The following CEPT1 variants were observed in gnomAD, a reference collection of about 807,000 sequenced individuals.
CEPT1 encodes the protein choline/ethanolamine phosphotransferase 1.
CEPT1 carries 7 observed loss-of-function variants against 42.6 expected under a neutral mutation model. The observed-to-expected ratio is 0.16, with a 90% CI of 0.09 to 0.31. CEPT1 has a LOEUF of 0.31. CEPT1 is among the 10% of genes least tolerant of loss of function. The pLI is 1.00. For synonymous variants in CEPT1, 171 were observed against 171.9 expected (o/e 0.99, Z 0.04); for missense variants, 306 against 502.1 (o/e 0.61, Z 3.73).
At position 111,152,275 on chromosome 1, in the gene CEPT1, A is replaced by G. The variant is rs943120057; in HGVS notation, c.339+4222A>G. Among the ~76,000 whole-genome samples the G allele has an allele frequency of 3.9e-5, 6 of 152,194 alleles. No individual in the cohort carries two copies. In the East Asian group the frequency reaches 1.2e-3, roughly 29 times the overall value. On this transcript the variant is annotated intron_variant, in intron 2 of 8. Transcript: ENST00000357172. The stretch of plus-strand genomic sequence containing the variant: ...AAAGTGAAAAGAAAATTAAAACGGC[A>G]CATTGACCATAATTTCACTGCCCAG...
intron 4 of CEPT1, among the ~76,000 whole-genome samples, chr1:111,170,984 A>C (rs1351801017): frequency 1.3e-5 from 2 of 152,224 alleles, no homozygotes; most frequent in African/African-American, 4.8e-5. Flanking sequence ...AATAACTGCA[A>C]GTGTATCTTT....
chr1:111,149,967 C>T (rs1431761888), intron 2 of CEPT1, among the ~76,000 whole-genome samples: 1 of 152,170 alleles, frequency 6.6e-6, no homozygotes, highest in Non-Finnish European at 1.5e-5. Context: ...ATGAATAACC[C>T]AAGAATTAGT....
intron 5 of CEPT1, among the ~76,000 whole-genome samples, chr1:111,175,837 G>C (rs766041972): frequency 6.6e-6 from 1 of 152,050 alleles, no homozygotes; most frequent in Admixed American, 6.5e-5. Context: ...GTTAATTGCC[G>C]ATTTCTACCA....
Position 111,174,935 on chromosome 1 carries a change from T to C in CEPT1, c.686T>C (p.Ile229Thr), listed in dbSNP as rs773516912. 38 of 1,612,150 alleles carry C rather than the reference T, an allele frequency of 2.4e-5. No homozygotes were observed. In the South Asian group the frequency reaches 3.8e-4, roughly 16 times the overall value. Reference sequence around the variant, plus strand: ...ATAATCATGCATTTGCTGGCAGTGATTGGAGGACCACCTTTTTGGCAATCT... The same window carrying C: ...ATAATCATGCATTTGCTGGCAGTGACTGGAGGACCACCTTTTTGGCAATCT... The part of the protein sequence containing the change: ...FIIIMHLLAV[I>T]GGPPFWQSMI... Residue 229 changes from isoleucine (I) to threonine (T), a missense_variant, in exon 5 of 9, where the codon ATT becomes ACT. By Grantham distance (89) the Ile-to-Thr change is moderately conservative. This residue lies in a region of CEPT1 where 253 missense variants were observed against 447.3 expected (regional missense o/e 0.57). Coordinates refer to ENST00000357172, the MANE Select transcript of CEPT1 (RefSeq NM_006090.5).
intron 2 of CEPT1, among the ~76,000 whole-genome samples, chr1:111,154,688 A>G (rs1446081014): frequency 6.6e-6 from 1 of 152,180 alleles, no homozygotes; most frequent in Non-Finnish European, 1.5e-5. Context: ...GTGACGTTTT[A>G]TCTTGAAGAG....
chr1:111,172,248 AG>A (rs767329031), intron 4 of CEPT1, among the ~76,000 whole-genome samples: 4 of 152,042 alleles, frequency 2.6e-5, no homozygotes, highest in Non-Finnish European at 4.4e-5. Flanking sequence ...TGTGTCTTGA[AG>A]GGTTTTTTGG....
rs925883230 is a variant in CEPT1, at chr1:111,184,639, G to C, written c.*329G>C. On this transcript the variant is annotated 3_prime_UTR_variant, in exon 9 of 9. Coordinates refer to ENST00000357172, the MANE Select transcript of CEPT1 (RefSeq NM_006090.5). ...GTGGTGGAGAGTTCTAATGTTGACT[G>C]TTTGCAGGCCAAAAGATGATTGCTT... is the stretch of plus-strand genomic sequence containing the variant. The C allele has an allele frequency of 1.8e-5, 3 of 168,280 alleles. No individual in the cohort carries two copies. Among genetic ancestry groups the C allele is most frequent in the Non-Finnish European group, 3.8e-5 (3 of 78,762 alleles). 10.4% of individuals were successfully genotyped at this position (168,280 alleles called of 1,614,324 possible).
intron 2 of CEPT1, among the ~76,000 whole-genome samples, chr1:111,153,124 C>T (rs547152261): frequency 3.3e-5 from 5 of 152,294 alleles, no homozygotes; most frequent in Non-Finnish European, 7.4e-5. Context: ...CCTATCCTCC[C>T]CTCCTCCTTA....
At chr1:111,168,887 C>T (rs1656275914) in intron 4 of CEPT1, among the ~76,000 whole-genome samples, 1 of 152,114 alleles carries the variant, frequency 6.6e-6, no homozygotes, top group South Asian at 2.1e-4. Context: ...ACAGTTGTCC[C>T]TCCATATCTG....
intron 2 of CEPT1, among the ~76,000 whole-genome samples, chr1:111,158,688 A>T (rs1336321333): frequency 2.6e-5 from 4 of 152,138 alleles, no homozygotes; most frequent in Non-Finnish European, 5.9e-5. Context: ...TGTTTCCCAT[A>T]TGAGGTTAGC....
At chr1:111,143,202 C>G (rs923550572) in intron 1 of CEPT1, among the ~76,000 whole-genome samples, 2 of 152,204 alleles carry the variant, frequency 1.3e-5, no homozygotes, top group African/African-American at 4.8e-5. Context: ...TCCTATCCAT[C>G]CATGGTGATC....
rs549493949 is a variant in CEPT1 at position 111,177,256 on chromosome 1, C to CT, written c.714+2294dup. Among the ~76,000 whole-genome samples the CT allele has an allele frequency of 1.4e-4, 21 of 152,290 alleles. No homozygotes were observed. The East Asian group carries it at 3.5e-3, about 25-fold the overall frequency. ...TGTACTTACGTGACAGGATATGGGT[C>CT]TGTGCACAAAGATATATTGCAGCTA... On this transcript the variant is annotated intron_variant, in intron 5 of 8. Coordinates refer to ENST00000357172, the MANE Select transcript of CEPT1 (RefSeq NM_006090.5).
intron 5 of CEPT1, among the ~76,000 whole-genome samples, chr1:111,176,039 A>C (rs1267673485): frequency 1.3e-5 from 2 of 152,214 alleles, no homozygotes; most frequent in African/African-American, 4.8e-5. Context: ...AGGAAGTGTA[A>C]TTGATACACT....
At chr1:111,169,128 C>T (rs1656291402) in intron 4 of CEPT1, among the ~76,000 whole-genome samples, 1 of 152,110 alleles carries the variant, frequency 6.6e-6, no homozygotes, top group Non-Finnish European at 1.5e-5. Context: ...AGTACAGACA[C>T]AACTTTTAAT....
intron 1 of CEPT1, among the ~76,000 whole-genome samples, chr1:111,142,474 T>A (rs1227788676): frequency 2.0e-5 from 3 of 152,180 alleles, no homozygotes; most frequent in Non-Finnish European, 4.4e-5. Flanking sequence ...ACGAATAATA[T>A]TTGTTAATTG....
At chr1:111,169,930 C>T (rs554033903) in intron 4 of CEPT1, among the ~76,000 whole-genome samples, 1 of 152,290 alleles carries the variant, frequency 6.6e-6, no homozygotes, top group South Asian at 2.1e-4. Context: ...CTTGACCTTT[C>T]TAAATGTTCT....
intron 8 of CEPT1, 81 bp from the exon 9 acceptor site, chr1:111,184,110 G>A: frequency 7.1e-7 from 1 of 1,407,958 alleles, no homozygotes; most frequent in Non-Finnish European, 9.8e-7. Flanking sequence ...TCTGTAGAGA[G>A]AACAGAGTCC....
intron 4 of CEPT1, among the ~76,000 whole-genome samples, chr1:111,166,205 C>T (rs1656138052): frequency 6.6e-6 from 1 of 152,120 alleles, no homozygotes; most frequent in South Asian, 2.1e-4. Context: ...AATGTAAAAC[C>T]TAGATTGCAG....
chr1:111,184,153 G>A (rs756974853), intron 8 of CEPT1, 38 bp from the exon 9 acceptor site: 6 of 1,609,704 alleles, frequency 3.7e-6, no homozygotes, highest in Non-Finnish European at 2.5e-6. Flanking sequence ...CTTAGGGAGA[G>A]CCTAAACGGG....
Sources: gnomAD v4.1 joint callset for allele counts (sites outside exome capture counted in the v4.1 genomes callset) on GRCh38, gnomAD v4.1.1 for gene constraint, gnomAD v4.1.1 regional missense constraint, MANE v1.5 for transcripts, NCBI Gene and HGNC (gene_info 2026-07-23, HGNC 2026-07-21) for gene names.